Variants in EML1 observed in about 807,000 individuals in gnomAD.
The protein encoded by EML1 is EMAP like 1, also known as echinoderm microtubule-associated protein-like 1.
EML1 carries 27 observed loss-of-function variants against 110.4 expected under a neutral mutation model. That is an observed-to-expected ratio of 0.24 (90% CI 0.18 to 0.34). The LOEUF (loss-of-function observed/expected upper bound fraction) is 0.34. Ranked by LOEUF, EML1 falls within the 10% of genes least tolerant of loss-of-function variation. The pLI is 1.00. For synonymous variants in EML1, 344 were observed against 385.8 expected, an observed-to-expected ratio of 0.89 and a Z score of 1.27; for missense variants, 741 against 1,030.9, an observed-to-expected ratio of 0.72 and a Z score of 3.85.
rs768197920 is a variant in EML1, at chr14:99,900,961, T to C, written c.930T>C (p.Ser310=). ...CCCCACATGTGCGCATCTGGGATTC[T>C]GTGACATTGAATACTCTCCACGTCA... is the stretch of plus-strand genomic sequence containing the variant. ...QLPPHVRIWD[S]VTLNTLHVIG... Residue 310 remains serine, a synonymous_variant, in exon 9 of 22, where the codon TCT becomes TCC. Coordinates refer to ENST00000262233, the MANE Select transcript of EML1 (RefSeq NM_004434.3). 2 of 1,614,234 alleles carry C rather than the reference T, an allele frequency of 1.2e-6. No homozygotes were observed. Among genetic ancestry groups the C allele is most frequent in the South Asian group, 1.1e-5 (1 of 91,080 alleles).
chr14:99,749,863 G>C (rs1566847967), intron 1 of EML1, among the ~76,000 whole-genome samples: 1 of 152,254 alleles, frequency 6.6e-6, no homozygotes. Flanking sequence ...CATCACATGG[G>C]CTTCTAATTT....
Position 99,937,924 on chromosome 14 carries a change from G to A in EML1, c.2191+12G>A, listed in dbSNP as rs1348162736. The A allele has an allele frequency of 6.2e-7, 1 of 1,611,678 alleles. No individual in the cohort carries two copies. The highest frequency in any genetic ancestry group is 1.3e-5 in the African/African-American group (1 of 74,988). Reference sequence around the variant, plus strand: ...ATTCCATGTTTTTGGTAAGTTTGCTGCAGATTTCACTGGTTCCAACAAAAG... The same window carrying A: ...ATTCCATGTTTTTGGTAAGTTTGCTACAGATTTCACTGGTTCCAACAAAAG... On this transcript the variant is annotated intron_variant, in intron 20 of 21. Coordinates refer to ENST00000262233, the MANE Select transcript of EML1 (RefSeq NM_004434.3).
intron 1 of EML1, among the ~76,000 whole-genome samples, chr14:99,847,860 A>G (rs2058730897): frequency 6.6e-6 from 1 of 151,098 alleles, no homozygotes; most frequent in African/African-American, 2.4e-5. Context: ...TATTTTTTCC[A>G]TTCATATACT....
chr14:99,805,901 C>T (rs1054782551), intron 1 of EML1, among the ~76,000 whole-genome samples: 3 of 152,222 alleles, frequency 2.0e-5, no homozygotes, highest in African/African-American at 7.2e-5. Context: ...GTGCAGCCAT[C>T]ACTGCCATCC....
chr14:99,739,091 TGAGAGAGAGAGACAGAGAGAGA>T (rs2057007055), intron 1 of EML1, among the ~76,000 whole-genome samples: 1 of 136,398 alleles, frequency 7.3e-6, no homozygotes, highest in Non-Finnish European at 1.6e-5. Context: ...TGTGTGTGTG[TGAGAGAGAGAGACAGAGAGAGA>T]GAGAGAGTGT....
exon 1 of EML1, chr14:99,737,849 G>A: frequency 2.3e-6 from 3 of 1,289,242 alleles, no homozygotes; most frequent in Non-Finnish European, 3.0e-6. Context: ...GACGGCGAGG[G>A]CCCCTCCGCC....
At chr14:99,748,916 G>A (rs1242308797) in intron 1 of EML1, among the ~76,000 whole-genome samples, 2 of 152,174 alleles carry the variant, frequency 1.3e-5, no homozygotes, top group Admixed American at 1.3e-4. Context: ...CCTGTAACAC[G>A]TGGCCTTTTG....
upstream of EML1, chr14:99,793,292 G>T: frequency 6.2e-6 from 6 of 975,412 alleles, no homozygotes; most frequent in Non-Finnish European, 6.1e-6. Flanking sequence ...CGGAGCGGGC[G>T]CTGGGCTCGC....
intron 1 of EML1, chr14:99,809,674 G>C (rs2058041925): frequency 2.2e-6 from 1 of 456,004 alleles, no homozygotes. Context: ...GTGAAACCCA[G>C]ATGTTTTTTG....
At chr14:99,874,283 C>A (rs1316041413) in intron 3 of EML1, among the ~76,000 whole-genome samples, 2 of 152,110 alleles carry the variant, frequency 1.3e-5, no homozygotes, top group Non-Finnish European at 2.9e-5. Context: ...TCATAACTTA[C>A]AAGGTTGCAG....
At chr14:99,758,935 C>T (rs183362581) in intron 1 of EML1, among the ~76,000 whole-genome samples, 1 of 152,218 alleles carries the variant, frequency 6.6e-6, no homozygotes, top group African/African-American at 2.4e-5. Context: ...TTGCTGATGG[C>T]CATGCTGGCA....
At chr14:99,770,629 T>C (rs191070146), upstream of EML1, among the ~76,000 whole-genome samples, 307 of 152,204 alleles carry the variant, frequency 2.0e-3, 1 homozygote, top group Non-Finnish European at 3.5e-3. Flanking sequence ...TTTTCTCCAT[T>C]TGTAAAACAG....
rs200062650 is a variant in EML1, at chr14:99,897,274, C to A, written c.807C>A (p.Gly269=). 18 of 1,610,470 alleles carry A rather than the reference C, an allele frequency of 1.1e-5. No homozygotes were observed. Among genetic ancestry groups the A allele is most frequent in the Non-Finnish European group, 1.5e-5 (18 of 1,178,584 alleles). The change falls in exon 7 of 22, where the codon GGC becomes GGA. Residue 269 remains glycine (G), a synonymous_variant. Transcript: ENST00000262233. The part of the protein sequence containing the change: ...VEEQLQRHYA[G]HNDDVKCLAV... ...AGCAACTGCAGAGGCATTACGCTGG[C>A]CACAACGATGACGTGAAGTGGTAAG...
At chr14:99,863,647 A>G (rs2059041493) in intron 2 of EML1, among the ~76,000 whole-genome samples, 1 of 152,168 alleles carries the variant, frequency 6.6e-6, no homozygotes, top group African/African-American at 2.4e-5. Flanking sequence ...AGCAATGTGG[A>G]TTTCAGATGT....
In EML1 at chr14:99,939,156, C is replaced by G; in HGVS notation, c.2192-41C>G. 1 of 1,609,358 alleles carries G rather than the reference C, an allele frequency of 6.2e-7. No homozygotes were observed. Among genetic ancestry groups the G allele is most frequent in the Non-Finnish European group, 8.5e-7 (1 of 1,177,454 alleles). ...TTCCTGCGCCATGTGGCCCTGTGGCCCCTGGTGTTTCCAGCGCCCTGTTTG... is the reference window on the plus strand; with the variant it reads ...TTCCTGCGCCATGTGGCCCTGTGGCGCCTGGTGTTTCCAGCGCCCTGTTTG... On this transcript the variant is annotated intron_variant, in intron 20 of 21. Coordinates refer to ENST00000262233, the MANE Select transcript of EML1 (RefSeq NM_004434.3). The surrounding 1 kb of genome is among the most constrained non-coding windows in gnomAD (Gnocchi z 4.2).
Position 99,747,805 on chromosome 14 carries a change from C to T in EML1, c.28+9945C>T, listed in dbSNP as rs534257186. The stretch of plus-strand genomic sequence containing the variant: ...CCCCTGGCCACACGGGGACTTGGTG[C>T]TGCCCCAGGGGTCCCGCTGCAGGGT... On this transcript the variant is annotated intron_variant, in intron 1 of 10. Coordinates refer to the EML1 transcript ENST00000554479. 7.9e-5 allele frequency among the ~76,000 whole-genome samples: 12 copies of T among 152,306 alleles called. No homozygotes were observed. The South Asian group carries it at 2.3e-3, about 29-fold the overall frequency.
chr14:99,764,272 TCTC>T (rs1566854644), intron 1 of EML1, among the ~76,000 whole-genome samples: 1 of 152,176 alleles, frequency 6.6e-6, no homozygotes. Flanking sequence ...CCCAGGTTGT[TCTC>T]CTTCCTTCTC....
chr14:99,930,262 C>G, intron 17 of EML1, among the ~76,000 whole-genome samples: 1 of 152,230 alleles, frequency 6.6e-6, no homozygotes, highest in South Asian at 2.1e-4. Context: ...CTGGCAATTT[C>G]TCGCTTCTCG....
chr14:99,909,610 C>T lies in EML1; in HGVS notation c.1239+131C>T, dbSNP rs893275350. ...TCACATAGTTGGGAAGCGTGTCACA[C>T]CTGGTAGATAACGCTGGTAATGAAG... is the stretch of plus-strand genomic sequence containing the variant. On this transcript the variant is annotated intron_variant, in intron 11 of 21. Coordinates refer to ENST00000262233, the MANE Select transcript of EML1 (RefSeq NM_004434.3). The T allele has an allele frequency of 5.0e-6, 6 of 1,204,758 alleles. No homozygotes were observed. The African/African-American group carries it at 9.1e-5, about 18-fold the overall frequency. 74.6% of individuals were successfully genotyped at this position (1,204,758 alleles called of 1,614,324 possible). A position where few individuals can be genotyped will look rare whatever the true frequency, so the allele number is the denominator to read the frequency against.
Sources: allele counts gnomAD v4.1 joint callset (sites outside exome capture counted in the v4.1 genomes callset), GRCh38; gene constraint gnomAD v4.1.1; non-coding constraint Gnocchi (gnomAD v3.1); transcripts MANE v1.5; gene names NCBI Gene and HGNC (gene_info 2026-07-23, HGNC 2026-07-21).